Variants in SLC14A2 observed in about 807,000 individuals in gnomAD.
SLC14A2 encodes the protein solute carrier family 14 member 2.
Under a neutral mutation model 104.6 loss-of-function variants are expected in SLC14A2, and 91 were observed. The observed-to-expected ratio is 0.87, with a 90% CI of 0.73 to 1.04. The LOEUF is 1.04. SLC14A2 is among the 50% of genes least tolerant of loss of function. The pLI, the probability that SLC14A2 is intolerant of heterozygous loss-of-function variation, is 0.00. For synonymous variants in SLC14A2, 476 were observed against 466.4 expected (o/e 1.02, Z -0.27); for missense variants, 1,189 against 1,156.0 (o/e 1.03, Z -0.41).
intron 2 of SLC14A2, among the ~76,000 whole-genome samples, chr18:45,565,069 C>CAT (rs10632473): frequency 6.6e-6 from 1 of 151,922 alleles, no homozygotes; most frequent in African/African-American, 2.4e-5. Context: ...TTCGTGCATG[C>CAT]GTTTATAGAC....
chr18:45,224,033 T>A (rs2144001081), intron 1 of SLC14A2, among the ~76,000 whole-genome samples: 1 of 152,270 alleles, frequency 6.6e-6, no homozygotes, highest in East Asian at 1.9e-4. Flanking sequence ...TGTTTTCATC[T>A]GGCCTCAAGA....
At chr18:45,216,103 T>C (rs1369824511) in intron 1 of SLC14A2, among the ~76,000 whole-genome samples, 3 of 152,204 alleles carry the variant, frequency 2.0e-5, no homozygotes, top group Non-Finnish European at 4.4e-5. Context: ...AAACTTTTTT[T>C]CCCTATAACT....
intron 1 of SLC14A2, among the ~76,000 whole-genome samples, chr18:45,279,640 G>T (rs986426434): frequency 6.6e-6 from 1 of 152,098 alleles, no homozygotes; most frequent in Non-Finnish European, 1.5e-5. Context: ...AGGAGAGTCA[G>T]TCTCTTCTGT....
intron 1 of SLC14A2, among the ~76,000 whole-genome samples, chr18:45,621,204 C>T (rs190217193): frequency 2.6e-5 from 4 of 152,198 alleles, no homozygotes; most frequent in Admixed American, 1.3e-4. Flanking sequence ...TGGGGCTTGT[C>T]GGATTTCACT....
intron 1 of SLC14A2, among the ~76,000 whole-genome samples, chr18:45,417,352 G>A (rs538771439): frequency 3.3e-5 from 5 of 151,936 alleles, no homozygotes; most frequent in East Asian, 1.9e-4. Context: ...CCATTCTCAC[G>A]CTGCTATAAA....
At chr18:45,470,697 CAT>C (rs2087231851) in intron 1 of SLC14A2, among the ~76,000 whole-genome samples, 1 of 152,118 alleles carries the variant, frequency 6.6e-6, no homozygotes, top group African/African-American at 2.4e-5. Flanking sequence ...AAGATAATGA[CAT>C]GTGTATAGTT....
At chr18:45,183,933 T>A in the SLC14A2 span, among the ~76,000 whole-genome samples, 4 of 141,566 alleles carry the variant, frequency 2.8e-5, no homozygotes, top group Non-Finnish European at 6.1e-5. Context: ...TTTTTTTTTT[T>A]TGTGAGACAT....
intron 1 of SLC14A2, among the ~76,000 whole-genome samples, chr18:45,291,273 T>A (rs983158397): frequency 6.6e-6 from 1 of 152,162 alleles, no homozygotes; most frequent in Admixed American, 6.5e-5. Flanking sequence ...GGAGACTACT[T>A]CTCAGAGCGA....
chr18:45,498,965 T>C (rs2043147170), intron 2 of SLC14A2, among the ~76,000 whole-genome samples: 1 of 152,246 alleles, frequency 6.6e-6, no homozygotes, highest in Non-Finnish European at 1.5e-5. Flanking sequence ...CTTTAGCCTC[T>C]GCAGTTTTGT....
At chr18:45,652,211 C>A (rs1450351326) in intron 10 of SLC14A2, among the ~76,000 whole-genome samples, 1 of 152,230 alleles carries the variant, frequency 6.6e-6, no homozygotes, top group African/African-American at 2.4e-5. Context: ...AAACCATGGT[C>A]TCATCTGGTA....
At chr18:45,248,327 AT>A (rs139067238) in intron 1 of SLC14A2, among the ~76,000 whole-genome samples, 2 of 152,144 alleles carry the variant, frequency 1.3e-5, no homozygotes, top group South Asian at 2.1e-4. Context: ...TTTGATTGTT[AT>A]TTCTTCTGTT....
chr18:45,443,306 T>C (rs1400768209), intron 1 of SLC14A2, among the ~76,000 whole-genome samples: 1 of 152,230 alleles, frequency 6.6e-6, no homozygotes, highest in African/African-American at 2.4e-5. Flanking sequence ...GGGAAAACTG[T>C]CTATTTTTAT....
chr18:45,458,951 G>A (rs906414243), intron 1 of SLC14A2, among the ~76,000 whole-genome samples: 1 of 152,204 alleles, frequency 6.6e-6, no homozygotes, highest in Non-Finnish European at 1.5e-5. Flanking sequence ...AAAAATGACA[G>A]TAAAATAGGA....
At chr18:45,438,762 G>A (rs1373645852) in intron 1 of SLC14A2, among the ~76,000 whole-genome samples, 1 of 152,132 alleles carries the variant, frequency 6.6e-6, no homozygotes, top group East Asian at 1.9e-4. Context: ...TAGGAAAATG[G>A]ACAGGAATAC....
intron 2 of SLC14A2, among the ~76,000 whole-genome samples, chr18:45,506,434 T>A (rs1231041102): frequency 1.3e-5 from 2 of 151,788 alleles, no homozygotes; most frequent in East Asian, 3.9e-4. Flanking sequence ...AAAAAAATAG[T>A]TCTACACAGA....
intron 1 of SLC14A2, among the ~76,000 whole-genome samples, chr18:45,446,886 C>T (rs1399820260): frequency 6.6e-6 from 1 of 152,174 alleles, no homozygotes; most frequent in African/African-American, 2.4e-5. Context: ...TGACTGTCAG[C>T]ATTTTCATGA....
At chr18:45,532,680 AC>A (rs1384866865) in intron 2 of SLC14A2, among the ~76,000 whole-genome samples, 1 of 151,920 alleles carries the variant, frequency 6.6e-6, no homozygotes, top group African/African-American at 2.4e-5. Flanking sequence ...CTAATTGAAT[AC>A]CCTTTATTTC....
intron 1 of SLC14A2, among the ~76,000 whole-genome samples, chr18:45,227,652 G>T (rs1392851919): frequency 6.6e-6 from 1 of 152,174 alleles, no homozygotes; most frequent in Non-Finnish European, 1.5e-5. Flanking sequence ...TTTTGGAGAG[G>T]CCACATTGAA....
intron 1 of SLC14A2, among the ~76,000 whole-genome samples, chr18:45,346,617 A>C (rs59208879): frequency 0.027 from 4,106 of 152,206 alleles, 180 homozygotes; most frequent in African/African-American, 0.095. Context: ...ATTTAATATA[A>C]ATTTATCAGT....
Sources: gnomAD v4.1 joint callset for allele counts (sites outside exome capture counted in the v4.1 genomes callset) on GRCh38, gnomAD v4.1.1 for gene constraint, MANE v1.5 for transcripts, NCBI Gene and HGNC (gene_info 2026-07-23, HGNC 2026-07-21) for gene names.